SV2C: variants seen among roughly 807,000 people sequenced by gnomAD.
SV2C encodes synaptic vesicle glycoprotein 2C, also known as solute carrier family 22 member B3.
SV2C carries 49 observed loss-of-function variants against 79.7 expected under a neutral mutation model. The observed-to-expected ratio is 0.61, with a 90% CI of 0.49 to 0.78. The LOEUF is 0.78. SV2C is among the 30% of genes least tolerant of loss of function. The pLI, the probability that SV2C is intolerant of heterozygous loss-of-function variation, is 0.00. For synonymous variants in SV2C, 334 were observed against 333.2 expected, an observed-to-expected ratio of 1.00 and a Z score of -0.03; for missense variants, 833 against 912.9, an observed-to-expected ratio of 0.91 and a Z score of 1.13.
chr5:76,254,251 TATATATAG>T (rs1746203243), intron 4 of SV2C, among the ~76,000 whole-genome samples: 2 of 148,902 alleles, frequency 1.3e-5, no homozygotes, highest in African/African-American at 5.1e-5. Flanking sequence ...TATATATATA[TATATATAG>T]AGAGAGAGAG....
At chr5:76,292,795 A>G in intron 8 of SV2C, among the ~76,000 whole-genome samples, 1 of 152,236 alleles carries the variant, frequency 6.6e-6, no homozygotes, top group East Asian at 1.9e-4. Context: ...GGAGAAAATA[A>G]CAAGATTTTA....
At chr5:75,980,043 C>T in the SV2C span, among the ~76,000 whole-genome samples, 3 of 152,150 alleles carry the variant, frequency 2.0e-5, no homozygotes, top group East Asian at 5.8e-4. Flanking sequence ...GAGATATTAC[C>T]ACTGACTCCA....
chr5:75,868,185 G>C, the SV2C span, among the ~76,000 whole-genome samples: 3 of 152,192 alleles, frequency 2.0e-5, no homozygotes. Flanking sequence ...AGAAATTCAA[G>C]AGAAACAAAG....
At position 76,311,831 on chromosome 5, in the gene SV2C, C is replaced by T. The variant is rs1748452782; in HGVS notation, c.2000+10286C>T. Among the ~76,000 whole-genome samples, 3 of 152,214 alleles carry T rather than the reference C, an allele frequency of 2.0e-5. No homozygotes were observed. The South Asian group carries it at 6.2e-4, about 32-fold the overall frequency. Reference sequence around the variant, plus strand: ...TTTCTCCGTCCCCAGTCCCTGCCACCAGCAAAATTACTTTCAACCCTCTTT... The same window carrying T: ...TTTCTCCGTCCCCAGTCCCTGCCACTAGCAAAATTACTTTCAACCCTCTTT... On this transcript the variant is annotated intron_variant, in intron 12 of 12. Transcript: ENST00000502798.
At chr5:76,308,800 T>C (rs1748303890) in intron 12 of SV2C, among the ~76,000 whole-genome samples, 1 of 152,220 alleles carries the variant, frequency 6.6e-6, no homozygotes, top group Admixed American at 6.5e-5. Flanking sequence ...GGATATTTTG[T>C]TGTACTTATC....
At chr5:75,935,516 A>G in the SV2C span, among the ~76,000 whole-genome samples, 1 of 152,164 alleles carries the variant, frequency 6.6e-6, no homozygotes, top group Admixed American at 6.5e-5. Context: ...AAAATTGAAA[A>G]TAACCATCAA....
chr5:76,224,988 T>C (rs1745196460), intron 4 of SV2C, among the ~76,000 whole-genome samples: 1 of 152,194 alleles, frequency 6.6e-6, no homozygotes, highest in African/African-American at 2.4e-5. Flanking sequence ...CTGAGTTGCT[T>C]TGAGAAGGTC....
chr5:76,002,145 A>T, the SV2C span, among the ~76,000 whole-genome samples: 1 of 145,986 alleles, frequency 6.8e-6, no homozygotes, highest in African/African-American at 2.5e-5. Flanking sequence ...CATTTTATAG[A>T]TGAGTAGTAT....
chr5:76,280,865 C>G, intron 4 of SV2C: 1 of 434,188 alleles, frequency 2.3e-6, no homozygotes, highest in South Asian at 1.6e-5. Context: ...TTCTGGAATT[C>G]AGTTGTTCTG....
chr5:76,299,170 G>A (rs942242085), intron 10 of SV2C, among the ~76,000 whole-genome samples: 1 of 152,310 alleles, frequency 6.6e-6, no homozygotes, highest in South Asian at 2.1e-4. Flanking sequence ...AAAATCCTTT[G>A]ATGAATAAAT....
intron 12 of SV2C, among the ~76,000 whole-genome samples, chr5:76,317,876 TG>T (rs1172657398): frequency 5.3e-5 from 8 of 152,184 alleles, no homozygotes; most frequent in African/African-American, 1.9e-4. Flanking sequence ...TATCAGTTGG[TG>T]GGGTAGATAT....
At chr5:76,071,606 C>T in the SV2C span, among the ~76,000 whole-genome samples, 1 of 152,166 alleles carries the variant, frequency 6.6e-6, no homozygotes, top group South Asian at 2.1e-4. Flanking sequence ...TGCTGCTTCT[C>T]AAAAAGCCAT....
the SV2C span, among the ~76,000 whole-genome samples, chr5:75,878,911 T>C: frequency 6.6e-6 from 1 of 152,236 alleles, no homozygotes; most frequent in Non-Finnish European, 1.5e-5. Flanking sequence ...GGCTCCAGCA[T>C]CTGCTTCTGG....
chr5:76,194,877 T>C (rs1744224985), intron 2 of SV2C, 42 bp from the exon 3 acceptor site: 1 of 1,600,768 alleles, frequency 6.2e-7, no homozygotes, highest in Non-Finnish European at 8.5e-7. Flanking sequence ...TGTCATTGAC[T>C]CCCAACCTCT....
the SV2C span, among the ~76,000 whole-genome samples, chr5:75,925,551 C>A: frequency 4.0e-3 from 611 of 152,092 alleles, no homozygotes; most frequent in Non-Finnish European, 6.8e-3. Context: ...TGGAGGGTGG[C>A]CCTTGGGATT....
chr5:75,935,227 A>G, the SV2C span, among the ~76,000 whole-genome samples: 214 of 152,330 alleles, frequency 1.4e-3, 4 homozygotes, highest in East Asian at 0.037. Context: ...AATTAAAACA[A>G]CAAAACATTT....
chr5:75,977,338 G>T, the SV2C span, among the ~76,000 whole-genome samples: 5 of 152,260 alleles, frequency 3.3e-5, no homozygotes, highest in East Asian at 9.7e-4. Flanking sequence ...CGTCCTCTTT[G>T]TTTTAACCCT....
At chr5:76,170,130 C>A (rs1279647624) in intron 2 of SV2C, among the ~76,000 whole-genome samples, 1 of 151,134 alleles carries the variant, frequency 6.6e-6, no homozygotes. Flanking sequence ...TTTTAGTTTA[C>A]ATTTGGCCAC....
chr5:76,171,805 A>G, intron 2 of SV2C, among the ~76,000 whole-genome samples: 1 of 94,436 alleles, frequency 1.1e-5, no homozygotes, highest in Non-Finnish European at 2.2e-5. Context: ...CCGGGAGGTG[A>G]GGGGCGCCTC....
Sources: gnomAD v4.1 joint callset for allele counts (sites outside exome capture counted in the v4.1 genomes callset) on GRCh38, gnomAD v4.1.1 for gene constraint, MANE v1.5 for transcripts, NCBI Gene and HGNC (gene_info 2026-07-23, HGNC 2026-07-21) for gene names.